PPM1H: variants seen among roughly 807,000 people sequenced by gnomAD.
PPM1H encodes the protein protein phosphatase, Mg2+/Mn2+ dependent 1H.
A neutral mutation model predicts 54.9 loss-of-function variants in PPM1H; 27 were observed. The observed-to-expected ratio is 0.49, with a 90% CI of 0.36 to 0.68. The LOEUF is 0.68. PPM1H is among the 30% of genes least tolerant of loss of function. The pLI is 0.00. For missense variants in PPM1H, 596 were observed against 667.8 expected, an observed-to-expected ratio of 0.89 and a Z score of 1.19; for synonymous variants, 305 against 270.8, an observed-to-expected ratio of 1.13 and a Z score of -1.24.
chr12:62,750,729 G>T (rs558519707), intron 4 of PPM1H, among the ~76,000 whole-genome samples: 13 of 152,198 alleles, frequency 8.5e-5, no homozygotes, highest in Non-Finnish European at 1.6e-4. Flanking sequence ...TTCCCAATTG[G>T]TAGGTTTTAG....
chr12:62,763,314 C>T (rs1054280729), intron 4 of PPM1H, among the ~76,000 whole-genome samples: 1 of 152,190 alleles, frequency 6.6e-6, no homozygotes, highest in Non-Finnish European at 1.5e-5. Context: ...GCTCCCTCCC[C>T]TCTATAAACC....
At chr12:62,762,523 T>C (rs887812347) in intron 4 of PPM1H, among the ~76,000 whole-genome samples, 2 of 152,132 alleles carry the variant, frequency 1.3e-5, no homozygotes, top group African/African-American at 4.8e-5. Context: ...ACCCCGAAAA[T>C]GATCCTTATA....
At chr12:62,695,631 T>TG (rs35090481) in intron 6 of PPM1H, among the ~76,000 whole-genome samples, 67 of 151,744 alleles carry the variant, frequency 4.4e-4, no homozygotes, top group South Asian at 6.3e-4. Flanking sequence ...TATATGAGTT[T>TG]GGGGGGGGAA....
chr12:62,909,033 G>A (rs1034449490), intron 1 of PPM1H, among the ~76,000 whole-genome samples: 2 of 152,018 alleles, frequency 1.3e-5, no homozygotes, highest in Admixed American at 1.3e-4. Flanking sequence ...TATCCCCTGG[G>A]CTTCTTAAGT....
intron 6 of PPM1H, among the ~76,000 whole-genome samples, chr12:62,714,514 T>C (rs1053401674): frequency 3.3e-5 from 5 of 152,290 alleles, no homozygotes; most frequent in Middle Eastern, 3.4e-3. Flanking sequence ...ATCTTTCTAA[T>C]GGGATCTGTC....
At chr12:62,780,354 T>C (rs1219346345) in intron 4 of PPM1H, among the ~76,000 whole-genome samples, 1 of 152,240 alleles carries the variant, frequency 6.6e-6, no homozygotes, top group Admixed American at 6.5e-5. Flanking sequence ...CAGGCTAGAA[T>C]GCATTGGTGC....
At chr12:62,848,704 C>G (rs581230) in intron 1 of PPM1H, among the ~76,000 whole-genome samples, 8,995 of 151,366 alleles carry the variant, frequency 0.059, 725 homozygotes, top group African/African-American at 0.19. Flanking sequence ...CACTGGAATT[C>G]CCCTGCAACC....
At position 62,737,440 on chromosome 12, in the gene PPM1H, C is replaced by T. The variant is rs377307257; in HGVS notation, c.954+62G>A. ...CCATGTCAGTAGCAACGTGTTCCTC[C>T]AGAACAGCTCCGATGCCATCCCTGA... On this transcript the variant is annotated intron_variant, in intron 5 of 9. Transcript: ENST00000228705. 2.6e-5 allele frequency: 31 copies of T among 1,214,386 alleles called. No individual in the cohort carries two copies. The African/African-American group carries it at 3.7e-4, about 15-fold the overall frequency. The allele number at this position is 1,214,386 out of a possible 1,614,324, so 75.2% of individuals were successfully genotyped here.
At chr12:62,929,483 C>A (rs1358603116) in intron 1 of PPM1H, among the ~76,000 whole-genome samples, 1 of 152,152 alleles carries the variant, frequency 6.6e-6, no homozygotes, top group Non-Finnish European at 1.5e-5. Context: ...TATTTTTAGA[C>A]AACAATTCCA....
chr12:62,840,721 A>G (rs1043098192), intron 1 of PPM1H, among the ~76,000 whole-genome samples: 3 of 152,188 alleles, frequency 2.0e-5, no homozygotes, highest in African/African-American at 7.2e-5. Context: ...TGGCTTGGTG[A>G]GGGAGCTACA....
At chr12:62,765,978 G>A in intron 4 of PPM1H, among the ~76,000 whole-genome samples, 1 of 152,282 alleles carries the variant, frequency 6.6e-6, no homozygotes, top group Middle Eastern at 3.4e-3. Flanking sequence ...ATCACTGAAG[G>A]GCTTTCAACA....
chr12:62,683,033 T>TTTTTTTTTTTTTTTA (rs1491110813), intron 8 of PPM1H, among the ~76,000 whole-genome samples: 1 of 133,674 alleles, frequency 7.5e-6, no homozygotes, highest in Non-Finnish European at 1.6e-5. Context: ...GAGTTTATTA[T>TTTTTTTTTTTTTTTA]TTATTATTAT....
intron 4 of PPM1H, among the ~76,000 whole-genome samples, chr12:62,752,034 C>A (rs551145284): frequency 6.6e-6 from 1 of 152,268 alleles, no homozygotes; most frequent in South Asian, 2.1e-4. Flanking sequence ...GAACATAACC[C>A]ATTAAGTTGG....
intron 4 of PPM1H, among the ~76,000 whole-genome samples, chr12:62,768,142 C>T (rs781695207): frequency 5.3e-5 from 8 of 152,162 alleles, no homozygotes; most frequent in Admixed American, 2.0e-4. Context: ...CCCACACCCC[C>T]GTGGTTGAAA....
At chr12:62,649,414 A>G (rs17098139) in intron 9 of PPM1H, among the ~76,000 whole-genome samples, 6,109 of 152,232 alleles carry the variant, frequency 0.04, 409 homozygotes, top group African/African-American at 0.14. Flanking sequence ...AAGTATTAAC[A>G]TCTAGGAGAA....
chr12:62,711,883 T>C (rs1470148293), intron 6 of PPM1H, among the ~76,000 whole-genome samples: 1 of 152,130 alleles, frequency 6.6e-6, no homozygotes, highest in Non-Finnish European at 1.5e-5. Flanking sequence ...CTGTCTGTCT[T>C]GGCTTGCAAC....
At chr12:62,654,548 T>C (rs1181737182) in intron 9 of PPM1H, among the ~76,000 whole-genome samples, 2 of 152,212 alleles carry the variant, frequency 1.3e-5, no homozygotes, top group African/African-American at 4.8e-5. Context: ...ACAAGGCACT[T>C]GGATCTCTCA....
intron 1 of PPM1H, among the ~76,000 whole-genome samples, chr12:62,899,456 G>A (rs145659620): frequency 4.6e-5 from 7 of 152,236 alleles, no homozygotes; most frequent in Admixed American, 1.3e-4. Flanking sequence ...ACTGAAACTA[G>A]ATGGTAAATC....
At chr12:62,701,583 A>ACAATC (rs1435950366) in intron 6 of PPM1H, among the ~76,000 whole-genome samples, 1 of 152,222 alleles carries the variant, frequency 6.6e-6, no homozygotes, top group Non-Finnish European at 1.5e-5. Flanking sequence ...ATCTTAAAAT[A>ACAATC]CAATCCAATG....
Sources: gnomAD v4.1 joint callset for allele counts (sites outside exome capture counted in the v4.1 genomes callset) on GRCh38, gnomAD v4.1.1 for gene constraint, MANE v1.5 for transcripts, NCBI Gene and HGNC (gene_info 2026-07-23, HGNC 2026-07-21) for gene names.